The following POLR2J variants were observed in gnomAD, a reference collection of about 807,000 sequenced individuals.
POLR2J encodes RNA polymerase II subunit J.
POLR2J carries 12 observed loss-of-function variants against 13.4 expected under a neutral mutation model. That is an observed-to-expected ratio of 0.90 (90% CI 0.57 to 1.45). POLR2J has a LOEUF of 1.45. Among genes scored for constraint, POLR2J ranks in the 40% most tolerant of loss-of-function variants. The pLI is 0.00. For missense variants in POLR2J, 58 were observed against 132.0 expected, an observed-to-expected ratio of 0.44 and a Z score of 2.75; for synonymous variants, 31 against 53.6, an observed-to-expected ratio of 0.58 and a Z score of 1.84.
chr7:102,478,891 G>C lies in POLR2J; in HGVS notation c.-31C>G, dbSNP rs775699736. 2 of 1,609,964 alleles carry C rather than the reference G, an allele frequency of 1.2e-6. No homozygotes were observed. The highest frequency in any genetic ancestry group is 1.3e-5 in the African/African-American group (1 of 74,856). The stretch of plus-strand genomic sequence containing the variant: ...CGCCGCCGTTGCGTCCAGACCCCAA[G>C]GGTCCGCCGCCGCCGCCACCAGAGC... On this transcript the variant is annotated 5_prime_UTR_variant, in exon 1 of 4. Transcript: ENST00000292614.
In POLR2J at chr7:102,473,380, A is replaced by T; in HGVS notation, c.*269T>A. On this transcript the variant is annotated 3_prime_UTR_variant, in exon 4 of 4. Coordinates refer to ENST00000292614, the MANE Select transcript of POLR2J (RefSeq NM_006234.6). The stretch of plus-strand genomic sequence containing the variant: ...CATCCCTGCCAGCCGGACGCCCCTG[A>T]AACAGGTCATCTGCCTGCATCAAGC... The T allele has an allele frequency of 3.4e-6, 2 of 591,078 alleles. No homozygotes were observed. Among genetic ancestry groups the T allele is most frequent in the East Asian group, 6.1e-5 (2 of 32,896 alleles). 36.6% of individuals were successfully genotyped at this position (591,078 alleles called of 1,614,324 possible).
At chr7:102,474,173 G>A (rs1198745952) in intron 3 of POLR2J, 188 bp downstream of exon 3, 2 of 1,542,104 alleles carry the variant, frequency 1.3e-6, no homozygotes, top group Admixed American at 2.0e-5. Context: ...GCAGACGGGA[G>A]CCACAGGCCC....
Position 102,473,542 on chromosome 7 carries a change from C to G in POLR2J, c.*107G>C. The G allele has an allele frequency of 1.8e-6, 2 of 1,120,728 alleles. No individual in the cohort carries two copies. The highest frequency in any genetic ancestry group is 4.0e-5 in the South Asian group (2 of 50,246). 69.4% of individuals were successfully genotyped at this position (1,120,728 alleles called of 1,614,324 possible). A position where few individuals can be genotyped will look rare whatever the true frequency, so the allele number is the denominator to read the frequency against. ...GTCAGGGTGAGGGGTGGCCACAAGG[C>G]GGGCCATGGCTGGGACCGGCCGCTC... is the stretch of plus-strand genomic sequence containing the variant. On this transcript the variant is annotated 3_prime_UTR_variant, in exon 4 of 4. Coordinates refer to ENST00000292614, the MANE Select transcript of POLR2J (RefSeq NM_006234.6).
chr7:102,473,153 C>T lies in POLR2J; in HGVS notation c.*496G>A, dbSNP rs1798276689. 2 of 1,295,794 alleles carry T rather than the reference C, an allele frequency of 1.5e-6. No homozygotes were observed. The highest frequency in any genetic ancestry group is 3.0e-5 in the African/African-American group (2 of 67,108). 80.3% of individuals were successfully genotyped at this position (1,295,794 alleles called of 1,614,324 possible). A position where few individuals can be genotyped will look rare whatever the true frequency, so the allele number is the denominator to read the frequency against. On this transcript the variant is annotated 3_prime_UTR_variant, in exon 4 of 4. Coordinates refer to ENST00000292614, the MANE Select transcript of POLR2J (RefSeq NM_006234.6). ...TTTCAGTGAATATTTTTATTAAACT[C>T]TACTGTGGACAAGAAGCCTGTGGAA... is the stretch of plus-strand genomic sequence containing the variant.
chr7:102,475,112 A>G (rs1798388640), intron 2 of POLR2J, among the ~76,000 whole-genome samples: 1 of 152,186 alleles, frequency 6.6e-6, no homozygotes, highest in Admixed American at 6.5e-5. Flanking sequence ...AGGTGGCAAC[A>G]CTGAGCTCAA....
chr7:102,474,726 C>T (rs1261563723), intron 2 of POLR2J, among the ~76,000 whole-genome samples, 191 bp from the exon 3 acceptor site: 5 of 118,862 alleles, frequency 4.2e-5, no homozygotes, highest in Admixed American at 1.7e-4. Flanking sequence ...CACACACACA[C>T]ACTCTGCATC....
intron 3 of POLR2J, chr7:102,474,091 G>A (rs1280330589): frequency 1.3e-5 from 19 of 1,466,030 alleles, no homozygotes; most frequent in Middle Eastern, 2.5e-4. Context: ...ACCCCCAAAG[G>A]ACAGTAGGTC....
Position 102,473,151 on chromosome 7 carries a change from C to A in POLR2J, c.*498G>T. On this transcript the variant is annotated 3_prime_UTR_variant, in exon 4 of 4. Coordinates refer to ENST00000292614, the MANE Select transcript of POLR2J (RefSeq NM_006234.6). ...TCTTTCAGTGAATATTTTTATTAAA[C>A]TCTACTGTGGACAAGAAGCCTGTGG... is the stretch of plus-strand genomic sequence containing the variant. 1 of 1,321,966 alleles carries A rather than the reference C, an allele frequency of 7.6e-7. No individual in the cohort carries two copies. The highest frequency in any genetic ancestry group is 1.0e-6 in the Non-Finnish European group (1 of 965,218). The allele number at this position is 1,321,966 out of a possible 1,614,324, so 81.9% of individuals were successfully genotyped here. A position where few individuals can be genotyped will look rare whatever the true frequency, so the allele number is the denominator to read the frequency against.
chr7:102,473,150 A>G lies in POLR2J; in HGVS notation c.*499T>C. 3.8e-6 allele frequency: 5 copies of G among 1,325,878 alleles called. No individual in the cohort carries two copies. The South Asian group carries it at 5.6e-5, about 15-fold the overall frequency. 82.1% of individuals were successfully genotyped at this position (1,325,878 alleles called of 1,614,324 possible). ...GTCTTTCAGTGAATATTTTTATTAA[A>G]CTCTACTGTGGACAAGAAGCCTGTG... On this transcript the variant is annotated 3_prime_UTR_variant, in exon 4 of 4. Coordinates refer to ENST00000292614, the MANE Select transcript of POLR2J (RefSeq NM_006234.6).
At position 102,473,582 on chromosome 7, in the gene POLR2J, C is replaced by G. The variant is rs934175686; in HGVS notation, c.*67G>C. The G allele has an allele frequency of 2.5e-6, 4 of 1,602,878 alleles. No individual in the cohort carries two copies. Among genetic ancestry groups the G allele is most frequent in the Non-Finnish European group, 3.4e-6 (4 of 1,175,352 alleles). ...ACCGGCCGCTCTCCTCGGTGTGGTA[C>G]CTGGAGCGGAGGGTCAGGCACAGGT... On this transcript the variant is annotated 3_prime_UTR_variant, in exon 4 of 4. Coordinates refer to ENST00000292614, the MANE Select transcript of POLR2J (RefSeq NM_006234.6).
intron 1 of POLR2J, 92 bp downstream of exon 1, chr7:102,478,716 C>A: frequency 6.4e-7 from 1 of 1,564,000 alleles, no homozygotes; most frequent in Non-Finnish European, 8.6e-7. Flanking sequence ...AAAGCTGTTT[C>A]CCTCCCGGGG....
chr7:102,476,075 A>G, intron 2 of POLR2J, 106 bp downstream of exon 2: 1 of 595,376 alleles, frequency 1.7e-6, no homozygotes, highest in East Asian at 3.0e-5. Flanking sequence ...AAGCCCCCAG[A>G]AGGACTTCCT....
intron 2 of POLR2J, among the ~76,000 whole-genome samples, chr7:102,474,838 C>T (rs1330460454): frequency 6.9e-6 from 1 of 145,946 alleles, no homozygotes; most frequent in Non-Finnish European, 1.5e-5. Context: ...GAATGTCCAG[C>T]CAGTGTTCAG....
chr7:102,473,181 G>GTGTT lies in POLR2J; in HGVS notation c.*464_*467dup, dbSNP rs1306693071. 2.8e-6 allele frequency: 3 copies of GTGTT among 1,080,016 alleles called. No individual in the cohort carries two copies. Among genetic ancestry groups the GTGTT allele is most frequent in the African/African-American group, 1.6e-5 (1 of 62,646 alleles). The allele number at this position is 1,080,016 out of a possible 1,614,324, so 66.9% of individuals were successfully genotyped here. A position where few individuals can be genotyped will look rare whatever the true frequency, so the allele number is the denominator to read the frequency against. Reference sequence around the variant, plus strand: ...CTGTGGACAAGAAGCCTGTGGAAAGGTGTTTCGAGTTATGCAGGAAGAAGT... The same window carrying GTGTT: ...CTGTGGACAAGAAGCCTGTGGAAAGGTGTTTGTTTCGAGTTATGCAGGAAGAAGT... On this transcript the variant is annotated 3_prime_UTR_variant, in exon 4 of 4. Coordinates refer to ENST00000292614, the MANE Select transcript of POLR2J (RefSeq NM_006234.6).
rs1466811215 is a variant in POLR2J at position 102,474,420 on chromosome 7, A to T, written c.259T>A (p.Phe87Ile). The change falls in exon 3 of 4, where the codon TTT (phenylalanine) becomes ATT (isoleucine). Residue 87 changes from phenylalanine to isoleucine, a missense_variant. Around this residue, in one of 4 missense-constraint regions of POLR2J, gnomAD observed 17 missense variants for 43.6 expected, o/e 0.39. Transcript: ENST00000292614. ...ATGAGGTCGGTGATGGCGTTGGTAA[A>T]GGCTTCCTGGGGGCTGTAGTCCGGC... ...TTPDYSPQEA[F>I]TNAITDLISE... is the part of the protein sequence containing the mutation. 6.2e-7 allele frequency: 1 copy of T among 1,610,128 alleles called. No homozygotes were observed. Among genetic ancestry groups the T allele is most frequent in the East Asian group, 2.2e-5 (1 of 44,782 alleles).
In POLR2J at chr7:102,478,861, G is replaced by T. The variant is rs202131725; in HGVS notation, c.-1C>A. 2 of 1,610,456 alleles carry T rather than the reference G, an allele frequency of 1.2e-6. No individual in the cohort carries two copies. Among genetic ancestry groups the T allele is most frequent in the African/African-American group, 1.3e-5 (1 of 74,870 alleles). On this transcript the variant is annotated 5_prime_UTR_variant, in exon 1 of 4. Transcript: ENST00000292614. ...ACTCGAAGGCTGGAGGGGCGTTCATGCTCCCGCCGCCGTTGCGTCCAGACC... is the reference window on the plus strand; with the variant it reads ...ACTCGAAGGCTGGAGGGGCGTTCATTCTCCCGCCGCCGTTGCGTCCAGACC...
chr7:102,476,385 C>A (rs1798433849), intron 1 of POLR2J, 115 bp from the exon 2 acceptor site: 7 of 581,910 alleles, frequency 1.2e-5, no homozygotes. Context: ...AATCCCAACA[C>A]TTTGGGAGGC....
At position 102,473,246 on chromosome 7, in the gene POLR2J, C is replaced by A; in HGVS notation, c.*403G>T. On this transcript the variant is annotated 3_prime_UTR_variant, in exon 4 of 4. Transcript: ENST00000292614. ...TGACAGGCAGGCCCAGGAGTTGAGG[C>A]TTCTAGAGCAGAGACTCTTGGGAGC... The A allele has an allele frequency of 1.5e-6, 1 of 680,820 alleles. No homozygotes were observed. Among genetic ancestry groups the A allele is most frequent in the Non-Finnish European group, 2.4e-6 (1 of 417,340 alleles). 42.2% of individuals were successfully genotyped at this position (680,820 alleles called of 1,614,324 possible).
Position 102,473,340 on chromosome 7 carries a change from G to A in POLR2J, c.*309C>T. 1.8e-6 allele frequency: 1 copy of A among 561,460 alleles called. No homozygotes were observed. Among genetic ancestry groups the A allele is most frequent in the Non-Finnish European group, 3.1e-6 (1 of 326,328 alleles). The allele number at this position is 561,460 out of a possible 1,614,324, so 34.8% of individuals were successfully genotyped here. A position where few individuals can be genotyped will look rare whatever the true frequency, so the allele number is the denominator to read the frequency against. ...AGCAGCCCCTGGACCCCGGATCTTT[G>A]GTCCAGAATGAATTCATCCCTGCCA... is the stretch of plus-strand genomic sequence containing the variant. On this transcript the variant is annotated 3_prime_UTR_variant, in exon 4 of 4. Transcript: ENST00000292614.
Sources: gnomAD v4.1 joint callset for allele counts (sites outside exome capture counted in the v4.1 genomes callset) on GRCh38, gnomAD v4.1.1 for gene constraint, gnomAD v4.1.1 regional missense constraint, MANE v1.5 for transcripts, NCBI Gene and HGNC (gene_info 2026-07-23, HGNC 2026-07-21) for gene names.